ZNF33A: variants seen among roughly 807,000 people sequenced by gnomAD.
ZNF33A encodes the protein zinc finger protein 33A, also known as brain my041 protein.
A neutral mutation model predicts 15.9 loss-of-function variants in ZNF33A; 9 were observed. That is an observed-to-expected ratio of 0.57 (90% CI 0.34 to 0.99). The LOEUF is 0.99. Among genes scored for constraint, ZNF33A ranks in the 50% least tolerant of loss-of-function variants. The pLI is 0.02. For missense variants in ZNF33A, 843 were observed against 941.6 expected, an observed-to-expected ratio of 0.90 and a Z score of 1.37; for synonymous variants, 294 against 324.2, an observed-to-expected ratio of 0.91 and a Z score of 1.00.
Position 38,016,914 on chromosome 10 carries a change from CTG to C in ZNF33A, c.56_57del (p.Val19GlyfsTer13). The C allele has an allele frequency of 1.2e-6, 2 of 1,613,998 alleles. No homozygotes were observed. Among genetic ancestry groups the C allele is most frequent in the Non-Finnish European group, 1.7e-6 (2 of 1,179,996 alleles). On this transcript the variant is annotated frameshift_variant, in exon 3 of 5. Transcript: ENST00000432900. LOFTEE classifies it high-confidence loss of function. ...GAGTCAGTATCATTTAAAGATGTGA[CTG>C]TGGGCTTCACCCAGGAGGAGTGGCA...
chr10:38,039,371 T>C, intron 4 of ZNF33A: 1 of 434,290 alleles, frequency 2.3e-6, no homozygotes, highest in South Asian at 1.6e-5. Flanking sequence ...TACAGGCATA[T>C]GCCAGCACAC....
At chr10:38,010,618 C>T (rs746880239), upstream of ZNF33A, 21 of 1,275,712 alleles carry the variant, frequency 1.6e-5, 1 homozygote, top group South Asian at 1.9e-4. Context: ...AGGGCGCCAA[C>T]AGCATCAAGC....
chr10:38,017,113 T>G (rs1393290716), intron 3 of ZNF33A, 98 bp downstream of exon 3: 2 of 1,508,968 alleles, frequency 1.3e-6, no homozygotes, highest in Non-Finnish European at 1.8e-6. Flanking sequence ...TATTTAAGGT[T>G]AGGCTTCAGG....
rs1176953088 is a variant in ZNF33A, at chr10:38,059,233, CA to C, written c.*2679del. The C allele has an allele frequency of 6.6e-6, 1 of 152,132 alleles. No individual in the cohort carries two copies. Among genetic ancestry groups the C allele is most frequent in the Non-Finnish European group, 1.5e-5 (1 of 68,026 alleles). The allele number at this position is 152,132 out of a possible 1,614,324, so 9.4% of individuals were successfully genotyped here. The stretch of plus-strand genomic sequence containing the variant: ...ACTCAAGTTGGTAAAGAACATACTA[CA>C]AAAAACCCTACAGCTAACATTATCC... On this transcript the variant is annotated 3_prime_UTR_variant, in exon 5 of 5. Coordinates refer to ENST00000432900, the MANE Select transcript of ZNF33A (RefSeq NM_006954.2).
At chr10:38,024,249 A>G (rs2064888653) in intron 4 of ZNF33A, among the ~76,000 whole-genome samples, 1 of 152,108 alleles carries the variant, frequency 6.6e-6, no homozygotes, top group Non-Finnish European at 1.5e-5. Flanking sequence ...AGATGAACAC[A>G]TATAATCAAT....
chr10:38,016,806 T>G (rs566642247), intron 2 of ZNF33A, 65 bp from the exon 3 acceptor site: 2 of 1,544,818 alleles, frequency 1.3e-6, no homozygotes, highest in South Asian at 1.2e-5. Context: ...ATTCTGTGAA[T>G]AATAATCATG....
At chr10:38,048,361 G>A (rs1372381960) in intron 4 of ZNF33A, among the ~76,000 whole-genome samples, 1 of 152,128 alleles carries the variant, frequency 6.6e-6, no homozygotes, top group Non-Finnish European at 1.5e-5. Context: ...AAAAGGCTGT[G>A]AAAAAGAAGT....
chr10:38,046,547 G>C (rs1380492766), intron 4 of ZNF33A, among the ~76,000 whole-genome samples: 2 of 152,070 alleles, frequency 1.3e-5, no homozygotes, highest in Admixed American at 6.6e-5. Context: ...CTAGAAAAAA[G>C]CACAAAAATA....
At chr10:38,047,670 C>G (rs1462643649) in intron 4 of ZNF33A, among the ~76,000 whole-genome samples, 1 of 129,866 alleles carries the variant, frequency 7.7e-6, no homozygotes, top group Admixed American at 8.8e-5. Context: ...AAAAAGCAAG[C>G]CCCTGTGAGC....
At chr10:38,018,373 T>C (rs989112110) in intron 4 of ZNF33A, among the ~76,000 whole-genome samples, 5 of 152,142 alleles carry the variant, frequency 3.3e-5, no homozygotes, top group Middle Eastern at 3.4e-3. Context: ...GGCAGGAATG[T>C]GGTTGGTGGG....
intron 4 of ZNF33A, among the ~76,000 whole-genome samples, chr10:38,042,708 G>A (rs550256939): frequency 6.6e-6 from 1 of 152,028 alleles, no homozygotes; most frequent in South Asian, 2.1e-4. Context: ...GCACCACTGT[G>A]CCCAGCTTAT....
At chr10:38,012,512 A>G (rs1363294142) in intron 2 of ZNF33A, among the ~76,000 whole-genome samples, 162 bp downstream of exon 2, 1 of 142,656 alleles carries the variant, frequency 7.0e-6, no homozygotes, top group Non-Finnish European at 1.5e-5. Context: ...GTTCACTGCA[A>G]CCTCTGCCTC....
chr10:38,059,357 A>C lies in ZNF33A; in HGVS notation c.*2797A>C, dbSNP rs1351934230. 6.6e-6 allele frequency: 1 copy of C among 152,232 alleles called. No homozygotes were observed. Among genetic ancestry groups the C allele is most frequent in the Non-Finnish European group, 1.5e-5 (1 of 68,042 alleles). The allele number at this position is 152,232 out of a possible 1,614,324, so 9.4% of individuals were successfully genotyped here. A position where few individuals can be genotyped will look rare whatever the true frequency, so the allele number is the denominator to read the frequency against. On this transcript the variant is annotated 3_prime_UTR_variant, in exon 5 of 5. Transcript: ENST00000432900. ...AGCATTGTACTGGAAGTGCTATATA[A>C]TGCAGTGTTAAAAAAAAAAGAAATA...
chr10:38,058,197 C>A lies in ZNF33A; in HGVS notation c.*1637C>A. 2.3e-6 allele frequency: 1 copy of A among 442,074 alleles called. No individual in the cohort carries two copies. Among genetic ancestry groups the A allele is most frequent in the Non-Finnish European group, 3.0e-6 (1 of 333,642 alleles). 27.4% of individuals were successfully genotyped at this position (442,074 alleles called of 1,614,324 possible). On this transcript the variant is annotated 3_prime_UTR_variant, in exon 5 of 5. Transcript: ENST00000432900. ...AAGAGAAAATCGATAAAACCCAAAA[C>A]TGGTTCCTTGAAAAGGTCAGTAAAA...
intron 4 of ZNF33A, among the ~76,000 whole-genome samples, chr10:38,039,881 A>C (rs868630434): frequency 6.6e-6 from 1 of 151,306 alleles, no homozygotes; most frequent in Middle Eastern, 3.4e-3. Context: ...TTTTTACTCT[A>C]TAATCTTTCT....
chr10:38,028,637 T>C (rs1219657457), intron 4 of ZNF33A, among the ~76,000 whole-genome samples: 1 of 152,024 alleles, frequency 6.6e-6, no homozygotes, highest in East Asian at 1.9e-4. Flanking sequence ...CCAGCTAATT[T>C]TTGTGTCTTT....
At chr10:38,053,849 T>C (rs2066326748) in intron 4 of ZNF33A, among the ~76,000 whole-genome samples, 1 of 152,220 alleles carries the variant, frequency 6.6e-6, no homozygotes, top group Non-Finnish European at 1.5e-5. Flanking sequence ...TCATCCTCTC[T>C]GGGCTGTGTG....
At chr10:38,041,734 A>G (rs901515916) in intron 4 of ZNF33A, among the ~76,000 whole-genome samples, 3 of 152,160 alleles carry the variant, frequency 2.0e-5, no homozygotes, top group Admixed American at 1.3e-4. Context: ...TAATGTAAAC[A>G]TTCCAAAATT....
chr10:38,047,190 C>CAAAAAAAAAAAA (rs61278605), intron 4 of ZNF33A, among the ~76,000 whole-genome samples: 12 of 64,020 alleles, frequency 1.9e-4, no homozygotes, highest in African/African-American at 2.9e-4. Context: ...CCACCCCTGC[C>CAAAAAAAAAAAA]AAAAAAAAAA....
Sources: allele counts gnomAD v4.1 joint callset (sites outside exome capture counted in the v4.1 genomes callset), GRCh38; gene constraint gnomAD v4.1.1; transcripts MANE v1.5; gene names NCBI Gene and HGNC (gene_info 2026-07-23, HGNC 2026-07-21).